The following TOR1B variants were observed in gnomAD, a reference collection of about 807,000 sequenced individuals.
TOR1B encodes the protein torsin-1B.
Under a neutral mutation model 29.2 loss-of-function variants are expected in TOR1B, and 14 were observed. The observed-to-expected ratio is 0.48, with a 90% confidence interval of 0.32 to 0.75. TOR1B has a LOEUF of 0.75. Among genes scored for constraint, TOR1B ranks in the 30% least tolerant of loss-of-function variants. The probability of loss-of-function intolerance (pLI) is 0.04; values close to 1 mark genes in which losing one functional copy is unlikely to be tolerated. For synonymous variants in TOR1B, 166 were observed against 179.8 expected, an observed-to-expected ratio of 0.92 and a Z score of 0.62; for missense variants, 400 against 433.9, an observed-to-expected ratio of 0.92 and a Z score of 0.69.
chr9:129,810,318 T>G lies in TOR1B; in HGVS notation c.*735T>G. On this transcript the variant is annotated 3_prime_UTR_variant, in exon 5 of 5. Coordinates refer to ENST00000259339, the MANE Select transcript of TOR1B (RefSeq NM_014506.3). ...GGATGTGGCCGTGCCCGCCGAGCACTCTTGATCTGAGCTGACCTGTGTGTG... is the reference window on the plus strand; with the variant it reads ...GGATGTGGCCGTGCCCGCCGAGCACGCTTGATCTGAGCTGACCTGTGTGTG... 3 of 1,294,764 alleles carry G rather than the reference T, an allele frequency of 2.3e-6. No homozygotes were observed. Among genetic ancestry groups the G allele is most frequent in the Non-Finnish European group, 3.0e-6 (3 of 985,786 alleles). The allele number at this position is 1,294,764 out of a possible 1,614,324, so 80.2% of individuals were successfully genotyped here. A position where few individuals can be genotyped will look rare whatever the true frequency, so the allele number is the denominator to read the frequency against.
In TOR1B at chr9:129,807,271, C is replaced by G. The variant is rs558511047; in HGVS notation, c.549C>G (p.His183Gln). 660 of 1,614,152 alleles carry G rather than the reference C, an allele frequency of 4.1e-4. 10 individuals carry two copies. In the South Asian group the frequency reaches 6.9e-3, roughly 17 times the overall value. The change falls in exon 3 of 5, where the codon CAC (histidine) becomes CAG (glutamine). Residue 183 changes from histidine to glutamine, a missense_variant. Coordinates refer to ENST00000259339, the MANE Select transcript of TOR1B (RefSeq NM_014506.3). Reference protein sequence around the residue: ...VFIFDEMDKLHPGIIDAIKPF... With the variant: ...VFIFDEMDKLQPGIIDAIKPF... ...TATTTGACGAGATGGATAAATTGCA[C>G]CCCGGGATCATTGACGCAATCAAGC...
chr9:129,809,053 G>A (rs1264183418), intron 4 of TOR1B, 21 bp downstream of exon 4: 29 of 1,596,524 alleles, frequency 1.8e-5, no homozygotes, highest in Non-Finnish European at 2.5e-5. Context: ...CAGGGTAAAG[G>A]AGCCCCTTAA....
Position 129,803,209 on chromosome 9 carries a change from C to A in TOR1B, c.-4C>A, listed in dbSNP as rs1009135784. On this transcript the variant is annotated 5_prime_UTR_variant, in exon 1 of 5. Transcript: ENST00000259339. ...AGTGGCTTCTGCGGGCTTCGAGGAG[C>A]GGGATGTTGCGGGCTGGGTGGCTCC... 1 of 1,476,426 alleles carries A rather than the reference C, an allele frequency of 6.8e-7. No individual in the cohort carries two copies. 91.5% of individuals were successfully genotyped at this position (1,476,426 alleles called of 1,614,324 possible).
chr9:129,808,482 G>C (rs982960899), intron 3 of TOR1B, among the ~76,000 whole-genome samples: 6 of 150,224 alleles, frequency 4.0e-5, no homozygotes, highest in African/African-American at 1.5e-4. Flanking sequence ...CTGCGTGACA[G>C]AGTGTCTCAA....
rs1344684122 is a variant in TOR1B at position 129,809,924 on chromosome 9, G to A, written c.*341G>A. ...ACACGTGAATCTATTGCGCGCATTT[G>A]TCATTTAGCAAGATGGCAGCAGTCC... On this transcript the variant is annotated 3_prime_UTR_variant, in exon 5 of 5. Transcript: ENST00000259339. 8.3e-7 allele frequency: 1 copy of A among 1,204,044 alleles called. No homozygotes were observed. The highest frequency in any genetic ancestry group is 1.0e-6 in the Non-Finnish European group (1 of 954,528). 74.6% of individuals were successfully genotyped at this position (1,204,044 alleles called of 1,614,324 possible).
At chr9:129,806,704 C>T (rs2030499902) in intron 2 of TOR1B, among the ~76,000 whole-genome samples, 1 of 152,166 alleles carries the variant, frequency 6.6e-6, no homozygotes. Context: ...TGGCACAACC[C>T]TGTCTCTACT....
In TOR1B at chr9:129,803,298, C is replaced by A; in HGVS notation, c.86C>A (p.Thr29Asn). The change falls in exon 1 of 5, where the codon ACC (threonine) becomes AAC (asparagine). Residue 29 changes from threonine to asparagine, a missense_variant. Physicochemically the swap from Thr to Asn is moderately conservative, Grantham distance 65 (BLOSUM62 0). Transcript: ENST00000259339. ...ARVVAAFEPI[T>N]VGLAIGAASA... ...GTGGTGGCGGCGTTCGAGCCCATCA[C>A]CGTGGGCCTAGCCATCGGGGCCGCG... is the stretch of plus-strand genomic sequence containing the variant. 6.3e-7 allele frequency: 1 copy of A among 1,587,426 alleles called. No individual in the cohort carries two copies. Among genetic ancestry groups the A allele is most frequent in the Non-Finnish European group, 8.5e-7 (1 of 1,171,038 alleles).
chr9:129,807,363 G>T lies in TOR1B; in HGVS notation c.641G>T (p.Ser214Ile). 6.2e-7 allele frequency: 1 copy of T among 1,613,384 alleles called. No individual in the cohort carries two copies. Among genetic ancestry groups the T allele is most frequent in the Non-Finnish European group, 8.5e-7 (1 of 1,179,456 alleles). Residue 214 changes from serine (S) to isoleucine (I), a missense_variant and splice_region_variant, in exon 3 of 5, where the codon AGC becomes ATC. Coordinates refer to ENST00000259339, the MANE Select transcript of TOR1B (RefSeq NM_014506.3). ...SYRKAIFIFL[S>I]NAGGDLITKT... ...CGCAAAGCCATCTTCATCTTTCTCA[G>T]GTCAGCGGGAGGCGGTTTTTTGGGG...
rs778409261 is a variant in TOR1B at position 129,807,370 on chromosome 9, G to A, written c.641+7G>A. On this transcript the variant is annotated splice_region_variant and intron_variant, in intron 3 of 4. Coordinates refer to ENST00000259339, the MANE Select transcript of TOR1B (RefSeq NM_014506.3). ...CCATCTTCATCTTTCTCAGGTCAGC[G>A]GGAGGCGGTTTTTTGGGGCACACAA... The A allele has an allele frequency of 5.0e-6, 8 of 1,612,532 alleles. No individual in the cohort carries two copies. Among genetic ancestry groups the A allele is most frequent in the East Asian group, 4.5e-5 (2 of 44,868 alleles).
chr9:129,809,249 G>A, intron 4 of TOR1B, 93 bp from the exon 5 acceptor site: 1 of 1,581,986 alleles, frequency 6.3e-7, no homozygotes, highest in Non-Finnish European at 8.6e-7. Flanking sequence ...CTCTCTCAAG[G>A]GGTACGGACA....
chr9:129,809,757 C>G lies in TOR1B; in HGVS notation c.*174C>G. ...TCACTCCGTCATCCAAGCTGGAGTG[C>G]AGTGGTGCAATCCTCAACTCACTGC... On this transcript the variant is annotated 3_prime_UTR_variant, in exon 5 of 5. Coordinates refer to ENST00000259339, the MANE Select transcript of TOR1B (RefSeq NM_014506.3). 1 of 1,425,178 alleles carries G rather than the reference C, an allele frequency of 7.0e-7. No individual in the cohort carries two copies. The highest frequency in any genetic ancestry group is 9.1e-7 in the Non-Finnish European group (1 of 1,093,928). The allele number at this position is 1,425,178 out of a possible 1,614,324, so 88.3% of individuals were successfully genotyped here. A position where few individuals can be genotyped will look rare whatever the true frequency, so the allele number is the denominator to read the frequency against.
At chr9:129,807,155 C>T (rs756310100) in intron 2 of TOR1B, 33 bp from the exon 3 acceptor site, 6 of 1,607,424 alleles carry the variant, frequency 3.7e-6, no homozygotes, top group East Asian at 4.5e-5. Flanking sequence ...CTTTGAGCTT[C>T]GCATCCTGTT....
In TOR1B at chr9:129,809,021, A is replaced by T. The variant is rs368520308; in HGVS notation, c.758A>T (p.Asn253Ile). ...LEPVLSVGVFNNKHSGLWHSG... is the reference protein window; with the variant it reads ...LEPVLSVGVFINKHSGLWHSG... ...CCTGTACTGTCTGTCGGAGTCTTCA[A>T]TAATAAACACAGTGAGTCCACCAGG... is the stretch of plus-strand genomic sequence containing the variant. The change falls in exon 4 of 5, where the codon AAT (asparagine) becomes ATT (isoleucine). Residue 253 changes from asparagine to isoleucine, a missense_variant. By Grantham distance (149) the Asn-to-Ile change is moderately radical. Transcript: ENST00000259339. 10 of 1,610,400 alleles carry T rather than the reference A, an allele frequency of 6.2e-6. No individual in the cohort carries two copies. Among genetic ancestry groups the T allele is most frequent in the Non-Finnish European group, 8.5e-6 (10 of 1,179,120 alleles).
chr9:129,804,466 C>T, intron 2 of TOR1B, 128 bp downstream of exon 2: 1 of 1,190,070 alleles, frequency 8.4e-7, no homozygotes, highest in Non-Finnish European at 1.2e-6. Context: ...TGAGTTAAGG[C>T]ACACTTAGTC....
chr9:129,807,425 G>T (rs2030560284), intron 3 of TOR1B, 62 bp downstream of exon 3: 5 of 1,587,462 alleles, frequency 3.1e-6, no homozygotes, highest in Non-Finnish European at 4.3e-6. Flanking sequence ...ATAAAATGAG[G>T]TCCTGAGGAC....
At chr9:129,806,484 C>T (rs1170811034) in intron 2 of TOR1B, among the ~76,000 whole-genome samples, 6 of 152,132 alleles carry the variant, frequency 3.9e-5, no homozygotes, top group Non-Finnish European at 1.5e-5. Context: ...GTGTACTGTG[C>T]AGGTCTTGAT....
chr9:129,810,342 T>TG lies in TOR1B; in HGVS notation c.*760dup, dbSNP rs1294468962. 22 of 906,762 alleles carry TG rather than the reference T, an allele frequency of 2.4e-5. No homozygotes were observed. The highest frequency in any genetic ancestry group is 3.0e-5 in the Non-Finnish European group (21 of 709,966). 56.2% of individuals were successfully genotyped at this position (906,762 alleles called of 1,614,324 possible). ...CTCTTGATCTGAGCTGACCTGTGTG[T>TG]GTGTGTGTGGGGGGGTGGGGCCTTC... On this transcript the variant is annotated 3_prime_UTR_variant, in exon 5 of 5. Coordinates refer to ENST00000259339, the MANE Select transcript of TOR1B (RefSeq NM_014506.3).
At chr9:129,803,741 G>C (rs1434199021) in intron 1 of TOR1B, among the ~76,000 whole-genome samples, 1 of 152,236 alleles carries the variant, frequency 6.6e-6, no homozygotes, top group Non-Finnish European at 1.5e-5. Context: ...GTAGTTTTCA[G>C]ACGTGCTGCG....
In TOR1B at chr9:129,808,951, C is replaced by A; in HGVS notation, c.688C>A (p.Arg230=). 1 of 1,613,872 alleles carries A rather than the reference C, an allele frequency of 6.2e-7. No homozygotes were observed. Among genetic ancestry groups the A allele is most frequent in the South Asian group, 1.1e-5 (1 of 91,068 alleles). Residue 230 remains arginine (R), a synonymous_variant, in exon 4 of 5, where the codon CGG becomes AGG. Transcript: ENST00000259339. ...LITKTALDFW[R]AGRKREDIQL... ...AACTAAGACGGCTCTTGACTTTTGGCGGGCCGGAAGAAAGAGGGAAGACAT... is the reference window on the plus strand; with the variant it reads ...AACTAAGACGGCTCTTGACTTTTGGAGGGCCGGAAGAAAGAGGGAAGACAT...
Sources: allele counts gnomAD v4.1 joint callset (sites outside exome capture counted in the v4.1 genomes callset), GRCh38; gene constraint gnomAD v4.1.1; transcripts MANE v1.5; gene names NCBI Gene and HGNC (gene_info 2026-07-23, HGNC 2026-07-21).